The following VIT variants were observed in gnomAD, a reference collection of about 807,000 sequenced individuals.
VIT encodes the protein vitrin.
Under a neutral mutation model 78.0 loss-of-function variants are expected in VIT, and 99 were observed. The observed-to-expected ratio is 1.27, with a 90% CI of 1.08 to 1.50. VIT has a LOEUF of 1.50. Ranked by LOEUF, VIT falls within the 40% of genes most tolerant of loss-of-function variation. VIT has a pLI of 0.00. For missense variants in VIT, 1,126 were observed against 875.3 expected (o/e 1.29, Z -3.61); for synonymous variants, 374 against 334.3 (o/e 1.12, Z -1.29).
chr2:36,697,257 A>G (rs1238491869), intron 1 of VIT, among the ~76,000 whole-genome samples: 1 of 152,256 alleles, frequency 6.6e-6, no homozygotes, highest in Non-Finnish European at 1.5e-5. Flanking sequence ...AATAAGTTGA[A>G]AAGTATGACA....
intron 7 of VIT, among the ~76,000 whole-genome samples, chr2:36,768,524 G>A (rs184254337): frequency 6.6e-5 from 10 of 152,284 alleles, no homozygotes; most frequent in Admixed American, 2.0e-4. Flanking sequence ...TGAATCCTCC[G>A]TAACAACCCT....
At chr2:36,776,686 T>C (rs2148609154) in intron 9 of VIT, among the ~76,000 whole-genome samples, 1 of 152,034 alleles carries the variant, frequency 6.6e-6, no homozygotes, top group Middle Eastern at 3.4e-3. Context: ...TCCCAGTTAC[T>C]CGGGAGGCTG....
intron 12 of VIT, among the ~76,000 whole-genome samples, chr2:36,793,812 A>G (rs894716020): frequency 3.3e-5 from 5 of 152,212 alleles, no homozygotes; most frequent in African/African-American, 1.2e-4. Context: ...TGTGTGACTC[A>G]GAGTGTCATG....
At chr2:36,758,816 A>G (rs1668925844) in intron 5 of VIT, among the ~76,000 whole-genome samples, 153 bp from the exon 6 acceptor site, 1 of 152,348 alleles carries the variant, frequency 6.6e-6, no homozygotes, top group African/African-American at 2.4e-5. Context: ...GCCACATGAC[A>G]TTCTCATTGT....
chr2:36,782,799 A>G (rs11887788), intron 10 of VIT, among the ~76,000 whole-genome samples: 5,687 of 152,220 alleles, frequency 0.037, 338 homozygotes, highest in African/African-American at 0.13. Context: ...CCTGGGAGGG[A>G]GGAGTTGCAT....
In VIT at chr2:36,717,334, ATGTGTGTGTGTGTGTGTGTGTGTGTG is replaced by A. The variant is rs70946944; in HGVS notation, c.52+948_52+973del. On this transcript the variant is annotated intron_variant, in intron 2 of 15. Coordinates refer to ENST00000379242, the MANE Select transcript of VIT (RefSeq NM_053276.4). ...AGGCTCCCACCACCACGCCTGGCTA[ATGTGTGTGTGTGTGTGTGTGTGTGTG>A]TGTGTGTGTGTGTGTGTGTGTGTGT... Among the ~76,000 whole-genome samples the A allele has an allele frequency of 1.5e-3, 94 of 64,136 alleles. 1 individual carries two copies. Among genetic ancestry groups the A allele is most frequent in the African/African-American group, 3.7e-3 (79 of 21,126 alleles). The allele number at this position is 64,136 out of a possible 152,430, so 42.1% of individuals were successfully genotyped here.
rs1374973915 is a variant in VIT, at chr2:36,787,011, C to G, written c.911-118C>G. 6 of 1,330,568 alleles carry G rather than the reference C, an allele frequency of 4.5e-6. No homozygotes were observed. The South Asian group carries it at 6.9e-5, about 15-fold the overall frequency. 82.4% of individuals were successfully genotyped at this position (1,330,568 alleles called of 1,614,324 possible). On this transcript the variant is annotated intron_variant, in intron 11 of 15. Transcript: ENST00000379242. ...AAATATACCCTGCATCTTCCTACCT[C>G]TTTTTCCCTTTCTTTTCATTTCTCA... is the stretch of plus-strand genomic sequence containing the variant.
chr2:36,712,993 A>C (rs1665900017), intron 1 of VIT, among the ~76,000 whole-genome samples: 1 of 152,174 alleles, frequency 6.6e-6, no homozygotes, highest in Non-Finnish European at 1.5e-5. Context: ...GCACCCAAAA[A>C]CTCAAATAAA....
intron 4 of VIT, among the ~76,000 whole-genome samples, chr2:36,749,947 A>C (rs576452439): frequency 6.6e-6 from 1 of 152,360 alleles, no homozygotes; most frequent in Non-Finnish European, 1.5e-5. Context: ...GCATAAAATA[A>C]AGTTTAAGAA....
chr2:36,759,505 T>G, intron 6 of VIT: 1 of 1,135,170 alleles, frequency 8.8e-7, no homozygotes, highest in South Asian at 2.2e-5. Flanking sequence ...GTCTACAAGG[T>G]TGTGCCAACT....
At chr2:36,803,535 C>T (rs1233249553) in intron 13 of VIT, among the ~76,000 whole-genome samples, 1 of 152,166 alleles carries the variant, frequency 6.6e-6, no homozygotes, top group African/African-American at 2.4e-5. Flanking sequence ...CCAGAGAGGA[C>T]TTCCGGGTGC....
At chr2:36,720,695 G>C (rs1553363189) in intron 2 of VIT, among the ~76,000 whole-genome samples, 1 of 152,186 alleles carries the variant, frequency 6.6e-6, no homozygotes, top group Non-Finnish European at 1.5e-5. Context: ...CAGGGAAATA[G>C]GGAGATGCTG....
intron 4 of VIT, among the ~76,000 whole-genome samples, chr2:36,749,072 AC>A (rs1668305623): frequency 6.6e-6 from 1 of 152,204 alleles, no homozygotes; most frequent in African/African-American, 2.4e-5. Flanking sequence ...AAAAAGGACA[AC>A]TGACTTCTCT....
rs1558539287 is a variant in VIT at position 36,751,862 on chromosome 2, G to A, written c.276-3059G>A. 2.6e-5 allele frequency among the ~76,000 whole-genome samples: 4 copies of A among 152,304 alleles called. No individual in the cohort carries two copies. In the East Asian group the frequency reaches 5.8e-4, roughly 22 times the overall value. On this transcript the variant is annotated intron_variant, in intron 4 of 15. Transcript: ENST00000379242. ...CTATTCAAAGGGAAGATAAATAAAA[G>A]TCTTAAGGGGAAACAGATAGGAATT...
At chr2:36,716,322 T>A in intron 1 of VIT, 31 bp from the exon 2 acceptor site, 8 of 1,592,950 alleles carry the variant, frequency 5.0e-6, no homozygotes, top group Non-Finnish European at 6.9e-6. Flanking sequence ...CCGGCTGAAA[T>A]ATGATGACGT....
intron 12 of VIT, among the ~76,000 whole-genome samples, chr2:36,793,392 C>A (rs771236897): frequency 1.3e-5 from 2 of 152,318 alleles, no homozygotes; most frequent in Non-Finnish European, 2.9e-5. Context: ...AAGACCAGTT[C>A]CCATTCATCG....
intron 1 of VIT, among the ~76,000 whole-genome samples, chr2:36,711,088 T>C (rs1169113645): frequency 6.6e-6 from 1 of 152,226 alleles, no homozygotes; most frequent in Non-Finnish European, 1.5e-5. Flanking sequence ...GTCTTTTTAA[T>C]TTTAGTCATT....
chr2:36,779,686 C>G (rs931521094), intron 9 of VIT, among the ~76,000 whole-genome samples: 11 of 152,214 alleles, frequency 7.2e-5, no homozygotes, highest in African/African-American at 1.4e-4. Context: ...TCTCATCATT[C>G]AGCTCCCACT....
chr2:36,746,415 T>C (rs2148525346), intron 4 of VIT, among the ~76,000 whole-genome samples: 1 of 152,290 alleles, frequency 6.6e-6, no homozygotes, highest in South Asian at 2.1e-4. Flanking sequence ...AGAATTTGGC[T>C]GTGAATCTAT....
Sources: allele counts gnomAD v4.1 joint callset (sites outside exome capture counted in the v4.1 genomes callset), GRCh38; gene constraint gnomAD v4.1.1; transcripts MANE v1.5; gene names NCBI Gene and HGNC (gene_info 2026-07-23, HGNC 2026-07-21).